The following PVT1 variants were observed in gnomAD, a reference collection of about 807,000 sequenced individuals.
The protein encoded by PVT1 is Pvt1 oncogene.
At chr8:127,921,032 G>A (rs1015942864) in intron 3 of PVT1, among the ~76,000 whole-genome samples, 1 of 152,210 alleles carries the variant, frequency 6.6e-6, no homozygotes, top group African/African-American at 2.4e-5. Context: ...CTTAATGATT[G>A]CCTACATTTT....
At chr8:127,976,689 TG>T (rs976972008) in intron 3 of PVT1, among the ~76,000 whole-genome samples, 2 of 152,184 alleles carry the variant, frequency 1.3e-5, no homozygotes, top group Admixed American at 1.3e-4. Flanking sequence ...ACAGACACTT[TG>T]GGGGCTCTGT....
intron 3 of PVT1, chr8:127,932,688 A>C: frequency 2.5e-6 from 1 of 394,100 alleles, no homozygotes; most frequent in Non-Finnish European, 4.5e-6. Flanking sequence ...AAAAAATAAA[A>C]AATAAAAACA....
At chr8:127,952,252 G>A (rs1254792883) in intron 3 of PVT1, among the ~76,000 whole-genome samples, 1 of 152,230 alleles carries the variant, frequency 6.6e-6, no homozygotes, top group Non-Finnish European at 1.5e-5. Flanking sequence ...GGTTCAGAAA[G>A]ACTGCCCTGG....
intron 3 of PVT1, among the ~76,000 whole-genome samples, chr8:127,909,697 A>C (rs530202313): frequency 6.6e-6 from 1 of 151,892 alleles, no homozygotes; most frequent in Non-Finnish European, 1.5e-5. Flanking sequence ...AGGCATGGGG[A>C]TGTGGTGGTA....
intron 4 of PVT1, among the ~76,000 whole-genome samples, chr8:128,037,488 C>A (rs181696058): frequency 3.3e-5 from 5 of 152,170 alleles, no homozygotes; most frequent in African/African-American, 1.2e-4. Flanking sequence ...GAGGCCGTGT[C>A]GGCAACAGGC....
At chr8:127,834,827 A>G in intron 2 of PVT1, among the ~76,000 whole-genome samples, 1 of 152,232 alleles carries the variant, frequency 6.6e-6, no homozygotes, top group Non-Finnish European at 1.5e-5. Context: ...CAAACAAATG[A>G]AAAACAGAAA....
intron 2 of PVT1, among the ~76,000 whole-genome samples, chr8:127,889,031 T>C (rs1363753457): frequency 5.9e-4 from 36 of 61,010 alleles, no homozygotes; most frequent in African/African-American, 2.1e-3. Context: ...TTCCTTTCTC[T>C]CTTTCTTTCT....
chr8:127,888,347 C>T (rs1391271000), intron 2 of PVT1, among the ~76,000 whole-genome samples: 2 of 152,152 alleles, frequency 1.3e-5, no homozygotes, highest in Non-Finnish European at 2.9e-5. Flanking sequence ...GGTGAGGCAG[C>T]TAGCTTGATT....
At chr8:127,978,563 A>G (rs1288412798) in intron 3 of PVT1, among the ~76,000 whole-genome samples, 1 of 151,090 alleles carries the variant, frequency 6.6e-6, no homozygotes, top group Non-Finnish European at 1.5e-5. Context: ...GGCTCACTAC[A>G]ACTTCTGCCT....
At chr8:127,795,861 A>T (rs975134967) in intron 1 of PVT1, 2 of 169,820 alleles carry the variant, frequency 1.2e-5, no homozygotes, top group Non-Finnish European at 2.9e-5. Flanking sequence ...GGGTTGTATC[A>T]ATCCTCAGAA....
In PVT1 at chr8:127,993,649, C is replaced by T. The variant is rs114262868; in HGVS notation, n.912+4358C>T. ...CAGCACATAGGACATGCTTGGAGAA[C>T]GTTTTCTTGAGTTAACTGAATTCAG... On this transcript the variant is annotated intron_variant and non_coding_transcript_variant, in intron 4 of 10. Coordinates refer to ENST00000651587, the Ensembl canonical transcript of PVT1. Among the ~76,000 whole-genome samples the T allele has an allele frequency of 5.2e-3, 796 of 152,208 alleles. 12 individuals are homozygous for T. The highest frequency in any genetic ancestry group is 0.018 in the African/African-American group (758 of 41,538).
At chr8:127,932,811 C>T (rs1816224407) in intron 3 of PVT1, 1 of 279,930 alleles carries the variant, frequency 3.6e-6, no homozygotes, top group Non-Finnish European at 6.6e-6. Flanking sequence ...CAAACACACA[C>T]ACACGTACAT....
intron 4 of PVT1, among the ~76,000 whole-genome samples, chr8:128,047,343 G>T (rs959172413): frequency 7.9e-5 from 12 of 152,120 alleles, no homozygotes; most frequent in African/African-American, 2.7e-4. Context: ...AGTCACCATG[G>T]GCCAGAGGAG....
chr8:127,939,221 T>TA (rs1816314694), intron 3 of PVT1, among the ~76,000 whole-genome samples: 1 of 152,216 alleles, frequency 6.6e-6, no homozygotes, highest in African/African-American at 2.4e-5. Context: ...GGGCTCCATG[T>TA]ACAAAGGTGG....
At chr8:128,098,500 C>A (rs906630740) in intron 6 of PVT1, among the ~76,000 whole-genome samples, 2 of 152,184 alleles carry the variant, frequency 1.3e-5, no homozygotes, top group Admixed American at 1.3e-4. Flanking sequence ...TGCGGCCTCT[C>A]GGCCCTGGGG....
intron 2 of PVT1, among the ~76,000 whole-genome samples, chr8:127,817,491 G>GTATA (rs1209669285): frequency 1.9e-5 from 2 of 106,074 alleles, no homozygotes; most frequent in South Asian, 3.0e-4. Flanking sequence ...GTGTGTGTGT[G>GTATA]TATATACATA....
intron 2 of PVT1, among the ~76,000 whole-genome samples, chr8:127,859,810 A>G (rs999217592): frequency 4.6e-5 from 7 of 151,942 alleles, no homozygotes; most frequent in Admixed American, 3.9e-4. Flanking sequence ...GGATGATACC[A>G]TCTAGGTCGA....
intron 3 of PVT1, among the ~76,000 whole-genome samples, chr8:127,923,986 A>G (rs1011225288): frequency 1.1e-4 from 16 of 152,196 alleles, no homozygotes; most frequent in African/African-American, 3.9e-4. Context: ...TCGGGGCAGG[A>G]GACAAAATAA....
Position 127,870,918 on chromosome 8 carries a change from T to C in PVT1, n.373-19671T>C, listed in dbSNP as rs544958314. ...GTAGTGTTGCTGAATATGCCGTGTG[T>C]CCTATTAACTCTGTGACGGCCACAG... On this transcript the variant is annotated intron_variant and non_coding_transcript_variant, in intron 2 of 10. Coordinates refer to ENST00000651587, the Ensembl canonical transcript of PVT1. Among the ~76,000 whole-genome samples, 10 of 152,300 alleles carry C rather than the reference T, an allele frequency of 6.6e-5. No homozygotes were observed. The South Asian group carries it at 2.1e-3, about 32-fold the overall frequency.
Sources: allele counts gnomAD v4.1 joint callset (sites outside exome capture counted in the v4.1 genomes callset), GRCh38; gene constraint gnomAD v4.1.1; transcripts MANE v1.5; gene names NCBI Gene and HGNC (gene_info 2026-07-23, HGNC 2026-07-21).